LUZP4: variants seen among roughly 807,000 people sequenced by gnomAD.
LUZP4 encodes the protein leucine zipper protein 4.
A neutral mutation model predicts 8.5 loss-of-function variants in LUZP4; 11 were observed. The ratio of observed to expected loss-of-function variants is 1.30; its 90% confidence interval spans 0.82 to 2.14. The LOEUF is 2.14. LUZP4 is among the 30% of genes most tolerant of loss of function. The probability of loss-of-function intolerance (pLI) is 0.00; values close to 1 mark genes in which losing one functional copy is unlikely to be tolerated. For synonymous variants in LUZP4, 104 were observed against 79.4 expected (o/e 1.31, Z -1.65); for missense variants, 276 against 229.7 (o/e 1.20, Z -1.30).
rs1556604934 is a variant in LUZP4, at chrX:115,307,543, A to C, written c.*739A>C. On this transcript the variant is annotated 3_prime_UTR_variant, in exon 4 of 4. Coordinates refer to ENST00000371920, the MANE Select transcript of LUZP4 (RefSeq NM_016383.5). ...GCAGTTTGTTTGGTTATTCAATAAA[A>C]GTTTTAGTTTTAATTTCTCAGTGAT... is the stretch of plus-strand genomic sequence containing the variant. 8.9e-6 allele frequency: 1 copy of C among 112,392 alleles called. No homozygotes were observed. The highest frequency in any genetic ancestry group is 1.9e-5 in the Non-Finnish European group (1 of 53,332). The allele number at this position is 112,392 out of a possible 1,213,427, so 9.3% of individuals were successfully genotyped here.
In LUZP4 at chrX:115,306,391, C is replaced by T; in HGVS notation, c.529C>T (p.Gln177Ter). 1 of 1,211,258 alleles carries T rather than the reference C, an allele frequency of 8.3e-7. No individual in the cohort carries two copies. Among genetic ancestry groups the T allele is most frequent in the East Asian group, 3.0e-5 (1 of 33,803 alleles). Reference sequence around the variant, plus strand: ...ATCTCTTTCTCAGTCAGACAGATCTCAAGGGCAGCTAAAGAGACATCATCC... The same window carrying T: ...ATCTCTTTCTCAGTCAGACAGATCTTAAGGGCAGCTAAAGAGACATCATCC... Reference protein sequence around the residue: ...ERSLSQSDRSQGQLKRHHPQY... With the variant: ...ERSLSQSDRS The change falls in exon 4 of 4, where the codon CAA becomes TAA. Residue 177 changes from glutamine (Q) to a stop codon, truncating the protein, a stop_gained. Coordinates refer to ENST00000371920, the MANE Select transcript of LUZP4 (RefSeq NM_016383.5). LOFTEE classifies it low-confidence loss of function (END_TRUNC).
intron 1 of LUZP4, among the ~76,000 whole-genome samples, chrX:115,290,180 T>C (rs2073342407): frequency 9.0e-6 from 1 of 111,612 alleles, no homozygotes; most frequent in African/African-American, 3.3e-5. Context: ...TGTATTTTAC[T>C]CTCCTAAGAA....
intron 1 of LUZP4, among the ~76,000 whole-genome samples, chrX:115,290,667 G>C (rs2073344859): frequency 9.0e-6 from 1 of 111,572 alleles, no homozygotes; most frequent in Non-Finnish European, 1.9e-5. Context: ...AGTGAGCAGA[G>C]CTGAGTAGAG....
At chrX:115,291,579 C>T (rs2073349207) in intron 1 of LUZP4, among the ~76,000 whole-genome samples, 1 of 110,706 alleles carries the variant, frequency 9.0e-6, no homozygotes, top group African/African-American at 3.3e-5. Context: ...GCAGGGAGGG[C>T]TGAACTTTAA....
intron 1 of LUZP4, among the ~76,000 whole-genome samples, chrX:115,294,953 A>G (rs1243960837): frequency 8.9e-6 from 1 of 112,216 alleles, no homozygotes; most frequent in Non-Finnish European, 1.9e-5. Flanking sequence ...CATATTTTAA[A>G]CATTGGTTCT....
Position 115,306,933 on chromosome X carries a change from A to G in LUZP4, c.*129A>G. 3.3e-6 allele frequency: 2 copies of G among 599,994 alleles called. No individual in the cohort carries two copies. Among genetic ancestry groups the G allele is most frequent in the South Asian group, 5.9e-5 (2 of 34,015 alleles). 49.4% of individuals were successfully genotyped at this position (599,994 alleles called of 1,213,427 possible). On this transcript the variant is annotated 3_prime_UTR_variant, in exon 4 of 4. Coordinates refer to ENST00000371920, the MANE Select transcript of LUZP4 (RefSeq NM_016383.5). ...ATAAATATTAGAATGGAGGTAATACATACATAGTATCAATATTGTTTCAAC... is the reference window on the plus strand; with the variant it reads ...ATAAATATTAGAATGGAGGTAATACGTACATAGTATCAATATTGTTTCAAC...
intron 1 of LUZP4, among the ~76,000 whole-genome samples, chrX:115,295,949 A>G (rs1249386294): frequency 1.8e-5 from 2 of 112,187 alleles, no homozygotes; most frequent in African/African-American, 6.5e-5. Flanking sequence ...TCTCTTCTCA[A>G]GTACCTCCTA....
intron 1 of LUZP4, among the ~76,000 whole-genome samples, chrX:115,293,876 G>T (rs781972921): frequency 9.1e-6 from 1 of 109,711 alleles, no homozygotes; most frequent in Admixed American, 9.7e-5. Context: ...GCTTGAACCC[G>T]GGAGGCCGAG....
rs184751895 is a variant in LUZP4, at chrX:115,298,491, T to G, written c.92-3501T>G. On this transcript the variant is annotated intron_variant, in intron 1 of 3. Coordinates refer to ENST00000371920, the MANE Select transcript of LUZP4 (RefSeq NM_016383.5). ...AGGTGTGTTTCATTGTTTGTTTGTT[T>G]TTTCTTTTGTCTCCTCTGATTGTAT... 8.9e-5 allele frequency among the ~76,000 whole-genome samples: 10 copies of G among 112,721 alleles called. No homozygotes were observed. In the East Asian group the frequency reaches 2.5e-3, roughly 28 times the overall value.
At chrX:115,304,710 C>T (rs1258694240) in intron 3 of LUZP4, among the ~76,000 whole-genome samples, 2 of 108,156 alleles carry the variant, frequency 1.8e-5, no homozygotes, top group Non-Finnish European at 3.8e-5. Flanking sequence ...GAGATGAGGT[C>T]TCGCTATGTT....
chrX:115,302,657 T>TC (rs2073402825), intron 2 of LUZP4, among the ~76,000 whole-genome samples: 1 of 113,065 alleles, frequency 8.8e-6, no homozygotes, highest in Non-Finnish European at 1.9e-5. Context: ...GTCTTCATAA[T>TC]CTAGTCAACA....
chrX:115,305,051 A>G (rs1556603199), intron 3 of LUZP4, among the ~76,000 whole-genome samples: 1 of 112,027 alleles, frequency 8.9e-6, no homozygotes, highest in East Asian at 2.8e-4. Flanking sequence ...TTTGTTTTCC[A>G]AAGGTAGGAA....
At position 115,307,078 on chromosome X, in the gene LUZP4, A is replaced by T; in HGVS notation, c.*274A>T. 3.0e-6 allele frequency: 1 copy of T among 338,032 alleles called. No homozygotes were observed. The highest frequency in any genetic ancestry group is 5.2e-6 in the Non-Finnish European group (1 of 191,545). The allele number at this position is 338,032 out of a possible 1,213,427, so 27.9% of individuals were successfully genotyped here. ...GCCTTTCCTATTGGGCCTTCCCCAC[A>T]ATTAGAATATTTTGACTTAGTGTCC... On this transcript the variant is annotated 3_prime_UTR_variant, in exon 4 of 4. Coordinates refer to ENST00000371920, the MANE Select transcript of LUZP4 (RefSeq NM_016383.5).
intron 3 of LUZP4, among the ~76,000 whole-genome samples, chrX:115,303,646 G>A (rs1443887516): frequency 9.0e-6 from 1 of 111,708 alleles, no homozygotes; most frequent in Non-Finnish European, 1.9e-5. Context: ...TAAAACTTTT[G>A]AATTTATAAA....
chrX:115,292,914 T>G (rs1372103430), intron 1 of LUZP4, among the ~76,000 whole-genome samples: 4 of 111,233 alleles, frequency 3.6e-5, no homozygotes, highest in Middle Eastern at 4.6e-3. Context: ...CAATTTCCTC[T>G]TCTAAGACAT....
chrX:115,300,963 G>A (rs1300992505), intron 1 of LUZP4, among the ~76,000 whole-genome samples: 1 of 110,124 alleles, frequency 9.1e-6, no homozygotes, highest in Non-Finnish European at 1.9e-5. Flanking sequence ...GTCCTTGCTG[G>A]GGGGACGATC....
chrX:115,296,190 G>A (rs906309980), intron 1 of LUZP4, among the ~76,000 whole-genome samples: 2 of 111,766 alleles, frequency 1.8e-5, no homozygotes, highest in South Asian at 7.4e-4. Flanking sequence ...AAAATAAAAT[G>A]CAATATAAGT....
At chrX:115,300,599 C>T (rs1485729127) in intron 1 of LUZP4, among the ~76,000 whole-genome samples, 2 of 111,513 alleles carry the variant, frequency 1.8e-5, no homozygotes, top group Non-Finnish European at 3.8e-5. Flanking sequence ...GTTCGGGCTG[C>T]CGGGATGGGT....
At chrX:115,300,684 C>T (rs1179603150) in intron 1 of LUZP4, among the ~76,000 whole-genome samples, 1 of 111,334 alleles carries the variant, frequency 9.0e-6, no homozygotes, top group Non-Finnish European at 1.9e-5. Context: ...TCCACTTTTC[C>T]TTTCTGCTCT....
Sources: allele counts gnomAD v4.1 joint callset (sites outside exome capture counted in the v4.1 genomes callset), GRCh38; gene constraint gnomAD v4.1.1; transcripts MANE v1.5; gene names NCBI Gene and HGNC (gene_info 2026-07-23, HGNC 2026-07-21).